RALYL: variants seen among roughly 807,000 people sequenced by gnomAD.
The protein encoded by RALYL is RALY RNA binding protein like, also known as RNA-binding Raly-like protein.
RALYL carries 29 observed loss-of-function variants against 35.1 expected under a neutral mutation model. The observed-to-expected ratio is 0.83, with a 90% CI of 0.61 to 1.13. The LOEUF (loss-of-function observed/expected upper bound fraction) is 1.13, where lower values mean the gene tolerates loss of function less well. Ranked by LOEUF, RALYL falls within the 50% of genes most tolerant of loss-of-function variation. The pLI, the probability that RALYL is intolerant of heterozygous loss-of-function variation, is 0.00. For missense variants in RALYL, 359 were observed against 360.4 expected, an observed-to-expected ratio of 1.00 and a Z score of 0.03; for synonymous variants, 120 against 127.6, an observed-to-expected ratio of 0.94 and a Z score of 0.40.
chr8:84,299,260 T>C (rs1031771229), intron 1 of RALYL, among the ~76,000 whole-genome samples: 5 of 152,136 alleles, frequency 3.3e-5, no homozygotes, highest in Non-Finnish European at 7.4e-5. Context: ...GCTTATGTGA[T>C]GAATCACATT....
At chr8:84,344,714 C>T (rs577359514) in intron 1 of RALYL, among the ~76,000 whole-genome samples, 1 of 152,084 alleles carries the variant, frequency 6.6e-6, no homozygotes, top group African/African-American at 2.4e-5. Flanking sequence ...ATCCCAATTC[C>T]CATCCCCTTA....
At chr8:84,719,342 T>C (rs763418961) in intron 2 of RALYL, among the ~76,000 whole-genome samples, 8 of 152,234 alleles carry the variant, frequency 5.3e-5, no homozygotes, top group Non-Finnish European at 7.3e-5. Flanking sequence ...GTTACTATGA[T>C]ATAGGCTGTT....
intron 2 of RALYL, among the ~76,000 whole-genome samples, chr8:84,704,575 G>A (rs1029211171): frequency 1.6e-4 from 25 of 151,826 alleles, no homozygotes; most frequent in Admixed American, 6.6e-5. Flanking sequence ...GAAAAAAAAT[G>A]AAGTTTTATC....
At chr8:84,525,282 AGTTT>A (rs1222399577) in intron 1 of RALYL, among the ~76,000 whole-genome samples, 1 of 152,046 alleles carries the variant, frequency 6.6e-6, no homozygotes, top group African/African-American at 2.4e-5. Flanking sequence ...AAAAACAGAC[AGTTT>A]GTTTGCACTG....
intron 2 of RALYL, among the ~76,000 whole-genome samples, chr8:84,736,328 G>T (rs1386649374): frequency 6.6e-6 from 1 of 151,938 alleles, no homozygotes; most frequent in Admixed American, 6.6e-5. Context: ...AAGAAGATAA[G>T]GAAAAAAATC....
intron 7 of RALYL, among the ~76,000 whole-genome samples, chr8:84,877,404 T>C (rs1352581920): frequency 1.3e-5 from 2 of 152,064 alleles, no homozygotes; most frequent in Non-Finnish European, 2.9e-5. Context: ...GGAGAATTGC[T>C]TGAACCCAGG....
At chr8:84,485,285 C>T (rs373917080) in intron 1 of RALYL, among the ~76,000 whole-genome samples, 2 of 152,084 alleles carry the variant, frequency 1.3e-5, no homozygotes, top group South Asian at 4.1e-4. Flanking sequence ...ACTCAATATG[C>T]CCAGTTTTAA....
intron 2 of RALYL, among the ~76,000 whole-genome samples, chr8:84,552,532 AG>A (rs939273048): frequency 6.6e-6 from 1 of 151,502 alleles, no homozygotes; most frequent in Non-Finnish European, 1.5e-5. Context: ...CCAATTTTAC[AG>A]AGGAGAACAA....
chr8:84,444,684 A>G (rs2048682986), intron 1 of RALYL, among the ~76,000 whole-genome samples: 1 of 152,136 alleles, frequency 6.6e-6, no homozygotes, highest in Non-Finnish European at 1.5e-5. Context: ...ACTCTGGGTA[A>G]AGCCAATAAT....
At chr8:84,419,373 G>C (rs1283266106) in intron 1 of RALYL, among the ~76,000 whole-genome samples, 2 of 152,010 alleles carry the variant, frequency 1.3e-5, no homozygotes, top group Non-Finnish European at 2.9e-5. Context: ...TTCTTCCTTT[G>C]TTTCCTTTGT....
At chr8:84,703,708 C>T (rs1314320226) in intron 2 of RALYL, among the ~76,000 whole-genome samples, 2 of 152,118 alleles carry the variant, frequency 1.3e-5, no homozygotes, top group Non-Finnish European at 2.9e-5. Flanking sequence ...CACGTTTATT[C>T]ATATCATAAA....
At chr8:84,403,430 G>T (rs2043123425) in intron 1 of RALYL, among the ~76,000 whole-genome samples, 1 of 149,584 alleles carries the variant, frequency 6.7e-6, no homozygotes. Flanking sequence ...TTACCCCATT[G>T]CTTGTTTTCG....
chr8:84,433,496 G>A (rs186740378), intron 1 of RALYL, among the ~76,000 whole-genome samples: 7 of 152,144 alleles, frequency 4.6e-5, no homozygotes, highest in African/African-American at 1.7e-4. Flanking sequence ...ATATATCCAA[G>A]AATTCCCACA....
chr8:84,430,658 G>C (rs1321675965), intron 1 of RALYL, among the ~76,000 whole-genome samples: 1 of 151,954 alleles, frequency 6.6e-6, no homozygotes, highest in Non-Finnish European at 1.5e-5. Context: ...AGACACAGAA[G>C]CACTTTTTAT....
intron 2 of RALYL, among the ~76,000 whole-genome samples, chr8:84,641,299 A>G (rs773127833): frequency 9.2e-5 from 14 of 151,754 alleles, no homozygotes; most frequent in Non-Finnish European, 1.9e-4. Context: ...ACAGAATTAT[A>G]TATTAACTAG....
intron 2 of RALYL, chr8:84,679,565 A>T: frequency 2.4e-6 from 1 of 421,074 alleles, no homozygotes; most frequent in Non-Finnish European, 4.7e-6. Flanking sequence ...GCTCTTCCCA[A>T]TGGCCAGAAC....
rs758386988 is a variant in RALYL, at chr8:84,774,618, A to G, written c.296A>G (p.Lys99Arg). Residue 99 changes from lysine to arginine, a missense_variant, in exon 3 of 9, where the codon AAA becomes AGA. Lys to Arg is a conservative substitution (Grantham distance 26). Transcript: ENST00000521268. ...MAGEPKPYRPKPGNKRPLSAL... is the reference protein window; with the variant it reads ...MAGEPKPYRPRPGNKRPLSAL... ...GGAGAGCCCAAACCATACAGACCAA[A>G]ACCTGGAAACAAGAGGCCCCTTTCT... The G allele has an allele frequency of 3.7e-6, 6 of 1,609,526 alleles. No homozygotes were observed. Among genetic ancestry groups the G allele is most frequent in the Non-Finnish European group, 2.5e-6 (3 of 1,177,692 alleles).
intron 3 of RALYL, among the ~76,000 whole-genome samples, chr8:84,800,534 T>C (rs990785945): frequency 6.6e-6 from 1 of 152,232 alleles, no homozygotes; most frequent in African/African-American, 2.4e-5. Context: ...CTTACTCTTC[T>C]GAAGGCTGTC....
At chr8:84,597,901 A>C (rs1814963461) in intron 2 of RALYL, among the ~76,000 whole-genome samples, 1 of 152,140 alleles carries the variant, frequency 6.6e-6, no homozygotes, top group South Asian at 2.1e-4. Context: ...CTCTTTACAG[A>C]GAAAGTTTGT....
Sources: gnomAD v4.1 joint callset for allele counts (sites outside exome capture counted in the v4.1 genomes callset) on GRCh38, gnomAD v4.1.1 for gene constraint, MANE v1.5 for transcripts, NCBI Gene and HGNC (gene_info 2026-07-23, HGNC 2026-07-21) for gene names.